NRXN3: variants seen among roughly 807,000 people sequenced by gnomAD.
NRXN3 encodes neurexin 3, also known as neurexin III.
In NRXN3, 32 loss-of-function variants were observed where a neutral mutation model predicts 137.6. The ratio of observed to expected loss-of-function variants is 0.23; its 90% confidence interval spans 0.18 to 0.31. The LOEUF is 0.31. NRXN3 is among the 10% of genes least tolerant of loss of function. The pLI is 1.00. For synonymous variants in NRXN3, 798 were observed against 784.5 expected (o/e 1.02, Z -0.29); for missense variants, 1,574 against 2,062.5 (o/e 0.76, Z 4.59).
chr14:79,768,284 G>A (rs1462212282), intron 19 of NRXN3, among the ~76,000 whole-genome samples: 4 of 152,330 alleles, frequency 2.6e-5, no homozygotes, highest in Admixed American at 6.5e-5. Flanking sequence ...GCTCAAGGAG[G>A]CCTGCCTGCC....
chr14:78,849,038 G>GA (rs75503662), intron 10 of NRXN3, among the ~76,000 whole-genome samples: 5,708 of 152,026 alleles, frequency 0.038, 208 homozygotes, highest in East Asian at 0.13. Flanking sequence ...AAATAGATAA[G>GA]AAAAAATCAC....
intron 10 of NRXN3, among the ~76,000 whole-genome samples, chr14:78,924,127 T>A (rs1057361822): frequency 6.6e-6 from 1 of 152,216 alleles, no homozygotes; most frequent in Non-Finnish European, 1.5e-5. Flanking sequence ...CACACGCCTA[T>A]AATCCCAGCT....
chr14:79,020,051 C>T (rs1203545931), intron 15 of NRXN3, among the ~76,000 whole-genome samples: 1 of 151,974 alleles, frequency 6.6e-6, no homozygotes. Context: ...GTGATACCAC[C>T]ACATGCAGGG....
intron 4 of NRXN3, among the ~76,000 whole-genome samples, chr14:78,639,959 A>C (rs529705188): frequency 2.0e-5 from 3 of 152,336 alleles, no homozygotes; most frequent in Admixed American, 6.5e-5. Context: ...ACCTGCTTGC[A>C]AATGGCCCTA....
intron 15 of NRXN3, among the ~76,000 whole-genome samples, chr14:79,362,370 A>G (rs2093716431): frequency 6.6e-6 from 1 of 151,398 alleles, no homozygotes; most frequent in Admixed American, 6.6e-5. Flanking sequence ...TTGGCTACGT[A>G]GTTATGTTGA....
intron 15 of NRXN3, among the ~76,000 whole-genome samples, chr14:79,142,115 A>G (rs879505657): frequency 9.9e-5 from 15 of 152,174 alleles, no homozygotes; most frequent in Non-Finnish European, 1.9e-4. Context: ...TAAAATGATG[A>G]ATAGAGATTT....
intron 15 of NRXN3, among the ~76,000 whole-genome samples, chr14:79,224,994 T>A (rs1268026052): frequency 1.3e-5 from 2 of 152,054 alleles, no homozygotes; most frequent in African/African-American, 4.8e-5. Context: ...CCTAGGAAAC[T>A]AATACAGGAG....
chr14:79,271,502 T>A (rs1368879105), intron 15 of NRXN3, among the ~76,000 whole-genome samples: 5 of 137,556 alleles, frequency 3.6e-5, no homozygotes, highest in Admixed American at 2.2e-4. Flanking sequence ...GTCTCCTTTT[T>A]TCCCCTTCCC....
At position 79,697,812 on chromosome 14, in the gene NRXN3, C is replaced by A; in HGVS notation, c.3889C>A (p.Pro1297Thr). The change falls in exon 19 of 21, where the codon CCA (proline) becomes ACA (threonine). Residue 1297 changes from proline (P) to threonine (T), a missense_variant. This residue lies in a region of NRXN3 where 320 missense variants were observed against 387.1 expected (regional missense o/e 0.83). Transcript: ENST00000335750. ...AAGTGTTCGGCTGGTTGGAGAAGTC[C>A]CATCAATTTTGGGAACAACACAGAC... ...NGSVRLVGEV[P>T]SILGTTQTTS... 2 of 1,613,086 alleles carry A rather than the reference C, an allele frequency of 1.2e-6. No homozygotes were observed. Among genetic ancestry groups the A allele is most frequent in the Non-Finnish European group, 1.7e-6 (2 of 1,179,464 alleles).
intron 4 of NRXN3, among the ~76,000 whole-genome samples, chr14:78,606,889 C>A (rs2097257706): frequency 6.6e-6 from 1 of 152,158 alleles, no homozygotes; most frequent in Non-Finnish European, 1.5e-5. Flanking sequence ...ACGTATAAAC[C>A]TAAGTGTCTC....
chr14:79,705,953 A>G (rs1295154524), intron 19 of NRXN3, among the ~76,000 whole-genome samples: 7 of 152,216 alleles, frequency 4.6e-5, no homozygotes, highest in Admixed American at 4.6e-4. Context: ...GCACAGAGTA[A>G]TACGCAGTCA....
chr14:78,213,720 C>T (rs1261897968), intron 1 of NRXN3, among the ~76,000 whole-genome samples: 2 of 152,094 alleles, frequency 1.3e-5, no homozygotes, highest in African/African-American at 2.4e-5. Flanking sequence ...GTGGCATGTC[C>T]TCTTGAAAGA....
chr14:78,489,101 T>C (rs1038323892), intron 4 of NRXN3, among the ~76,000 whole-genome samples: 1 of 152,166 alleles, frequency 6.6e-6, no homozygotes, highest in Non-Finnish European at 1.5e-5. Context: ...TATTGAGGTT[T>C]GGTGTGGATA....
chr14:78,295,219 G>T (rs1191407890), intron 3 of NRXN3, among the ~76,000 whole-genome samples: 2 of 152,082 alleles, frequency 1.3e-5, no homozygotes, highest in Non-Finnish European at 2.9e-5. Flanking sequence ...ATGGTTACAT[G>T]GTTTCTCCCC....
intron 15 of NRXN3, among the ~76,000 whole-genome samples, chr14:79,262,858 C>T (rs1404602524): frequency 6.6e-6 from 1 of 152,042 alleles, no homozygotes; most frequent in African/African-American, 2.4e-5. Flanking sequence ...AGGTACAAAG[C>T]GAAGAAGGAG....
At chr14:78,470,075 GT>G (rs1470108425) in intron 4 of NRXN3, among the ~76,000 whole-genome samples, 1 of 152,136 alleles carries the variant, frequency 6.6e-6, no homozygotes, top group Non-Finnish European at 1.5e-5. Context: ...AATCATTTGG[GT>G]TTTTGGCTGG....
At chr14:79,765,598 G>T (rs1219147722) in intron 19 of NRXN3, among the ~76,000 whole-genome samples, 2 of 152,152 alleles carry the variant, frequency 1.3e-5, no homozygotes, top group Non-Finnish European at 1.5e-5. Flanking sequence ...TAAATAGATT[G>T]CTCATTTATT....
intron 19 of NRXN3, among the ~76,000 whole-genome samples, chr14:79,754,629 T>G (rs1210538903): frequency 6.7e-6 from 1 of 149,922 alleles, no homozygotes; most frequent in Non-Finnish European, 1.5e-5. Context: ...TATGTATATT[T>G]ACATGTATTT....
chr14:79,619,820 A>C (rs889437045), intron 16 of NRXN3, among the ~76,000 whole-genome samples: 1 of 152,152 alleles, frequency 6.6e-6, no homozygotes, highest in African/African-American at 2.4e-5. Flanking sequence ...TACCATATGC[A>C]TGAAAAGATA....
Sources: allele counts gnomAD v4.1 joint callset (sites outside exome capture counted in the v4.1 genomes callset), GRCh38; gene constraint gnomAD v4.1.1; regional missense constraint gnomAD v4.1.1; transcripts MANE v1.5; gene names NCBI Gene and HGNC (gene_info 2026-07-23, HGNC 2026-07-21).